The following TENM4 variants were observed in gnomAD, a reference collection of about 807,000 sequenced individuals.
The protein encoded by TENM4 is teneurin-4.
In TENM4, 82 loss-of-function variants were observed where a neutral mutation model predicts 243.3. That is an observed-to-expected ratio of 0.34 (90% CI 0.28 to 0.40). The LOEUF (loss-of-function observed/expected upper bound fraction) is 0.40, where lower values mean the gene tolerates loss of function less well. TENM4 is among the 10% of genes least tolerant of loss of function. The probability of loss-of-function intolerance (pLI) is 1.00; values close to 1 mark genes in which losing one functional copy is unlikely to be tolerated. For missense variants in TENM4, 3,138 were observed against 3,673.3 expected, an observed-to-expected ratio of 0.85 and a Z score of 3.77; for synonymous variants, 1,412 against 1,456.3, an observed-to-expected ratio of 0.97 and a Z score of 0.69.
intron 2 of TENM4, among the ~76,000 whole-genome samples, chr11:79,275,955 G>A (rs1856047998): frequency 6.6e-6 from 1 of 152,212 alleles, no homozygotes; most frequent in South Asian, 2.1e-4. Context: ...GATCATATGG[G>A]TTTTATGTGG....
intron 1 of TENM4, among the ~76,000 whole-genome samples, chr11:79,434,224 G>A (rs980032872): frequency 6.6e-6 from 1 of 152,206 alleles, no homozygotes; most frequent in African/African-American, 2.4e-5. Context: ...CATGTTGATT[G>A]ATTGATTGAT....
Position 78,656,949 on chromosome 11 carries a change from C to A in TENM4, c.*1109G>T. 4 of 398,264 alleles carry A rather than the reference C, an allele frequency of 1.0e-5. No individual in the cohort carries two copies. In the South Asian group the frequency reaches 5.3e-4, roughly 53 times the overall value. 24.7% of individuals were successfully genotyped at this position (398,264 alleles called of 1,614,324 possible). ...TTTTTGTTAAGCATTTTTCCAGAAT[C>A]AAAGGCCACCAAGCACCTCCCTCCA... On this transcript the variant is annotated 3_prime_UTR_variant, in exon 34 of 34. Transcript: ENST00000278550.
At chr11:78,894,483 A>C (rs80315332) in intron 7 of TENM4, among the ~76,000 whole-genome samples, 1,861 of 152,350 alleles carry the variant, frequency 0.012, 25 homozygotes, top group African/African-American at 0.029. Flanking sequence ...ACAATTTAAA[A>C]AGAAACAGTT....
chr11:79,422,071 C>G (rs1858944660), intron 1 of TENM4: 1 of 153,592 alleles, frequency 6.5e-6, no homozygotes, highest in Non-Finnish European at 1.5e-5. Context: ...CCCCAGGATG[C>G]AATAACCAAG....
At chr11:78,858,132 G>A (rs1403058449) in intron 10 of TENM4, among the ~76,000 whole-genome samples, 1 of 152,174 alleles carries the variant, frequency 6.6e-6, no homozygotes, top group Non-Finnish European at 1.5e-5. Flanking sequence ...ATTTTAGCAT[G>A]CTGCTGGAGA....
intron 1 of TENM4, among the ~76,000 whole-genome samples, chr11:79,360,353 G>A (rs1290287503): frequency 6.6e-6 from 1 of 152,174 alleles, no homozygotes; most frequent in Admixed American, 6.5e-5. Flanking sequence ...CAGAAAGAAA[G>A]AATATATGAA....
intron 4 of TENM4, among the ~76,000 whole-genome samples, chr11:79,099,366 TTCTCATGGTGTGAATTTAAGG>T (rs1284625653): frequency 6.6e-6 from 1 of 152,124 alleles, no homozygotes; most frequent in Admixed American, 6.5e-5. Context: ...TTCCCTGTCG[TTCTCATGGTGTGAATTTAAGG>T]TCCCATGGGG....
chr11:79,169,380 A>C (rs1421798859), intron 3 of TENM4, among the ~76,000 whole-genome samples: 1 of 152,104 alleles, frequency 6.6e-6, no homozygotes, highest in African/African-American at 2.4e-5. Flanking sequence ...TGATCGCAAG[A>C]GGGAGGGCGG....
intron 6 of TENM4, among the ~76,000 whole-genome samples, chr11:78,934,997 CTTTTTTTTT>C (rs530062569): frequency 1.2e-5 from 1 of 81,114 alleles, no homozygotes; most frequent in African/African-American, 5.3e-5. Flanking sequence ...AAGTATGCAA[CTTTTTTTTT>C]TTTTTTTTTT....
At chr11:79,283,638 CT>C (rs1369650587) in intron 2 of TENM4, among the ~76,000 whole-genome samples, 1 of 152,154 alleles carries the variant, frequency 6.6e-6, no homozygotes, top group African/African-American at 2.4e-5. Flanking sequence ...AGCTTTCCCC[CT>C]AAGATTAGAA....
chr11:79,256,279 T>C (rs1855699890), intron 2 of TENM4, among the ~76,000 whole-genome samples: 1 of 152,228 alleles, frequency 6.6e-6, no homozygotes. Flanking sequence ...TGCTGCGCTA[T>C]CTCACCGGCT....
Position 78,769,364 on chromosome 11 carries a change from C to T in TENM4, c.2539+1628G>A, listed in dbSNP as rs570750598. On this transcript the variant is annotated intron_variant, in intron 18 of 33. Transcript: ENST00000278550. ...TCTGAATAGAGAGCCCTTTCCTTTC[C>T]GGGAAACCGCTACCCATCCAAGTGT... Among the ~76,000 whole-genome samples, 18 of 152,262 alleles carry T rather than the reference C, an allele frequency of 1.2e-4. 1 individual carries two copies. Among genetic ancestry groups the T allele is most frequent in the South Asian group, 1.0e-3 (5 of 4,824 alleles).
intron 19 of TENM4, among the ~76,000 whole-genome samples, chr11:78,752,374 G>C (rs1856209744): frequency 6.6e-6 from 1 of 152,174 alleles, no homozygotes; most frequent in Non-Finnish European, 1.5e-5. Context: ...CCCTGGGCTT[G>C]AATTCCCCTC....
chr11:79,172,017 T>A (rs10793372), intron 3 of TENM4, among the ~76,000 whole-genome samples: 27,313 of 152,198 alleles, frequency 0.18, 3,151 homozygotes, highest in Non-Finnish European at 0.25. Context: ...AGTGATGTGA[T>A]CATAGCGCAT....
intron 30 of TENM4, among the ~76,000 whole-genome samples, chr11:78,674,875 T>C (rs988269316): frequency 6.6e-6 from 1 of 152,014 alleles, no homozygotes; most frequent in Non-Finnish European, 1.5e-5. Context: ...TTTCTAGTTT[T>C]TTTTTTTTGA....
intron 8 of TENM4, 62 bp from the exon 9 acceptor site, chr11:78,890,082 A>C: frequency 1.5e-6 from 2 of 1,364,156 alleles, no homozygotes; most frequent in Non-Finnish European, 2.0e-6. Context: ...ACCCAGACAA[A>C]CCTGGAGGCC....
chr11:79,437,155 C>T (rs1176532489), intron 1 of TENM4, among the ~76,000 whole-genome samples: 3 of 152,234 alleles, frequency 2.0e-5, no homozygotes, highest in African/African-American at 7.2e-5. Context: ...AAACGGATTC[C>T]TCCTCAGCAT....
intron 1 of TENM4, among the ~76,000 whole-genome samples, chr11:79,309,078 C>G (rs994149410): frequency 6.6e-6 from 1 of 152,012 alleles, no homozygotes; most frequent in African/African-American, 2.4e-5. Context: ...AGAACTCATG[C>G]CCTTCTGAAA....
At chr11:79,274,712 A>T (rs975937738) in intron 2 of TENM4, among the ~76,000 whole-genome samples, 1 of 152,148 alleles carries the variant, frequency 6.6e-6, no homozygotes, top group Non-Finnish European at 1.5e-5. Context: ...TTGGGGGGGA[A>T]AAAGGCTTAA....
Sources: allele counts gnomAD v4.1 joint callset (sites outside exome capture counted in the v4.1 genomes callset), GRCh38; gene constraint gnomAD v4.1.1; transcripts MANE v1.5; gene names NCBI Gene and HGNC (gene_info 2026-07-23, HGNC 2026-07-21).